SERPINB7: variants seen among roughly 807,000 people sequenced by gnomAD.
SERPINB7 encodes serpin family B member 7.
In SERPINB7, 31 loss-of-function variants were observed where a neutral mutation model predicts 37.4. The observed-to-expected ratio is 0.83, with a 90% CI of 0.62 to 1.12. The LOEUF (loss-of-function observed/expected upper bound fraction) is 1.12. Among genes scored for constraint, SERPINB7 ranks in the 50% most tolerant of loss-of-function variants. The pLI, the probability that SERPINB7 is intolerant of heterozygous loss-of-function variation, is 0.00. For missense variants in SERPINB7, 521 were observed against 455.3 expected (o/e 1.14, Z -1.31); for synonymous variants, 163 against 166.1 (o/e 0.98, Z 0.14).
intron 1 of SERPINB7, among the ~76,000 whole-genome samples, chr18:63,753,994 G>A (rs893278023): frequency 2.0e-5 from 3 of 152,148 alleles, no homozygotes; most frequent in African/African-American, 7.2e-5. Context: ...CTCATGGGAA[G>A]GGAAAAGATT....
intron 2 of SERPINB7, among the ~76,000 whole-genome samples, chr18:63,786,199 G>A (rs2049369783): frequency 1.5e-5 from 1 of 66,672 alleles, no homozygotes; most frequent in South Asian, 5.0e-4. Context: ...ACACCAGCAT[G>A]GCACATACGT....
intron 1 of SERPINB7, among the ~76,000 whole-genome samples, chr18:63,765,564 A>G (rs1370849451): frequency 2.0e-5 from 3 of 152,058 alleles, no homozygotes; most frequent in Non-Finnish European, 2.9e-5. Flanking sequence ...TAAAATTCAA[A>G]TTCTTTCTGA....
intron 2 of SERPINB7, among the ~76,000 whole-genome samples, chr18:63,788,099 T>G (rs2049391063): frequency 6.6e-6 from 1 of 152,220 alleles, no homozygotes; most frequent in Admixed American, 6.5e-5. Flanking sequence ...ATACTTTTAG[T>G]AGTTATTTTA....
chr18:63,777,090 C>T (rs904317705), intron 1 of SERPINB7, among the ~76,000 whole-genome samples: 7 of 152,044 alleles, frequency 4.6e-5, no homozygotes, highest in Non-Finnish European at 1.0e-4. Flanking sequence ...ATGTGAGGTA[C>T]AACCCTACTT....
At chr18:63,789,082 G>T (rs769049530) in intron 2 of SERPINB7, among the ~76,000 whole-genome samples, 4 of 152,168 alleles carry the variant, frequency 2.6e-5, no homozygotes, top group Admixed American at 2.6e-4. Flanking sequence ...TTATATAAAT[G>T]TACATAGCCA....
upstream of SERPINB7, among the ~76,000 whole-genome samples, chr18:63,771,140 C>T (rs1598994269): frequency 6.6e-6 from 1 of 151,858 alleles, no homozygotes; most frequent in Admixed American, 6.6e-5. Flanking sequence ...GAAAGGGAGG[C>T]ATAATTGTTG....
chr18:63,789,410 T>G (rs762098774), intron 2 of SERPINB7, among the ~76,000 whole-genome samples: 1 of 152,184 alleles, frequency 6.6e-6, no homozygotes, highest in South Asian at 2.1e-4. Context: ...TATAATGATG[T>G]AGTCCAAAGT....
At position 63,790,114 on chromosome 18, in the gene SERPINB7, T is replaced by C. The variant is rs1002219641; in HGVS notation, c.169-2279T>C. Among the ~76,000 whole-genome samples, 13 of 152,360 alleles carry C rather than the reference T, an allele frequency of 8.5e-5. No homozygotes were observed. The South Asian group carries it at 2.1e-3, about 24-fold the overall frequency. ...CTACAACTTAATAACAGCAATGACT[T>C]CTTGAGCTTTATTGTAAGTATGGAC... On this transcript the variant is annotated intron_variant, in intron 2 of 7. Transcript: ENST00000398019.
upstream of SERPINB7, among the ~76,000 whole-genome samples, chr18:63,772,163 C>CT (rs1433115737): frequency 6.6e-6 from 1 of 151,884 alleles, no homozygotes; most frequent in African/African-American, 2.4e-5. Context: ...TTTCTGAGTC[C>CT]TACTTTTCTC....
intron 1 of SERPINB7, among the ~76,000 whole-genome samples, chr18:63,762,645 G>A (rs1385693477): frequency 6.6e-6 from 1 of 152,160 alleles, no homozygotes; most frequent in African/African-American, 2.4e-5. Flanking sequence ...GGAGTGACGA[G>A]AGCAGAAAAC....
At chr18:63,792,493 G>C (rs748181898) in intron 3 of SERPINB7, 50 bp downstream of exon 3, 5 of 1,266,564 alleles carry the variant, frequency 3.9e-6, no homozygotes, top group East Asian at 2.3e-5. Context: ...CCAGGTGCAG[G>C]GGCTCAAGCC....
Position 63,796,335 on chromosome 18 carries a change from GA to G in SERPINB7, c.408del (p.Asp137ThrfsTer21). 2 of 1,612,574 alleles carry G rather than the reference GA, an allele frequency of 1.2e-6. No individual in the cohort carries two copies. Among genetic ancestry groups the G allele is most frequent in the South Asian group, 1.1e-5 (1 of 90,996 alleles). ...GCGAGTTGACTTTACGAATCATTTA[GA>G]AGACACTAGACGTAATATTAATAAG... ...VERVDFTNHL[E>X]DTRRNINKWV... On this transcript the variant is annotated frameshift_variant, in exon 5 of 8. Transcript: ENST00000398019. LOFTEE classifies it high-confidence loss of function.
intron 4 of SERPINB7, among the ~76,000 whole-genome samples, 171 bp from the exon 5 acceptor site, chr18:63,796,095 C>T (rs1568213292): frequency 6.6e-6 from 1 of 152,164 alleles, no homozygotes; most frequent in Non-Finnish European, 1.5e-5. Flanking sequence ...TTCAGATACA[C>T]CAGATCCCCT....
upstream of SERPINB7, among the ~76,000 whole-genome samples, chr18:63,772,796 A>G (rs1441844779): frequency 6.6e-6 from 1 of 152,170 alleles, no homozygotes; most frequent in Non-Finnish European, 1.5e-5. Flanking sequence ...GGGCCACGAC[A>G]ACGTGATGAA....
intron 6 of SERPINB7, 126 bp downstream of exon 6, chr18:63,798,872 A>G (rs904513483): frequency 6.2e-6 from 6 of 965,354 alleles, no homozygotes; most frequent in Non-Finnish European, 9.3e-6. Context: ...TTGCATTACC[A>G]ATATCATATG....
chr18:63,804,727 T>C lies in SERPINB7; in HGVS notation c.*92T>C. The C allele has an allele frequency of 7.5e-7, 1 of 1,336,430 alleles. No individual in the cohort carries two copies. 82.8% of individuals were successfully genotyped at this position (1,336,430 alleles called of 1,614,324 possible). A position where few individuals can be genotyped will look rare whatever the true frequency, so the allele number is the denominator to read the frequency against. On this transcript the variant is annotated 3_prime_UTR_variant, in exon 8 of 8. Coordinates refer to ENST00000398019, the MANE Select transcript of SERPINB7 (RefSeq NM_003784.4). ...TGAGTTTAATTGGAAAAATGTGGTG[T>C]TTCCTTTGAGTTTATTTCTTCCTAA...
rs2049310827 is a variant in SERPINB7 at position 63,782,467 on chromosome 18, C to G, written c.95C>G (p.Ser32Cys). The change falls in exon 2 of 8, where the codon TCT becomes TGT. Residue 32 changes from serine (S) to cysteine (C), a missense_variant. By Grantham distance (112) the Ser-to-Cys change is moderately radical. Transcript: ENST00000398019. ...NQGNGNVFFS[S>C]LSLFAALALV... is the part of the protein sequence containing the mutation. Reference sequence around the variant, plus strand: ...GGAAATGGAAATGTGTTCTTTTCCTCTCTGAGCCTCTTCGCTGCCCTGGCC... The same window carrying G: ...GGAAATGGAAATGTGTTCTTTTCCTGTCTGAGCCTCTTCGCTGCCCTGGCC... 2 of 1,614,196 alleles carry G rather than the reference C, an allele frequency of 1.2e-6. No individual in the cohort carries two copies. Among genetic ancestry groups the G allele is most frequent in the East Asian group, 4.5e-5 (2 of 44,882 alleles).
intron 1 of SERPINB7, among the ~76,000 whole-genome samples, chr18:63,761,009 C>T (rs530212180): frequency 4.5e-4 from 69 of 152,352 alleles, no homozygotes; most frequent in African/African-American, 1.5e-3. Context: ...AAGAGGGCCA[C>T]TGTCCTTCAG....
At position 63,803,380 on chromosome 18, in the gene SERPINB7, A is replaced by T. The variant is rs1599024796; in HGVS notation, c.745-857A>T. Among the ~76,000 whole-genome samples the T allele has an allele frequency of 2.6e-5, 4 of 152,352 alleles. No individual in the cohort carries two copies. In the East Asian group the frequency reaches 7.7e-4, roughly 29 times the overall value. On this transcript the variant is annotated intron_variant, in intron 7 of 7. Coordinates refer to ENST00000398019, the MANE Select transcript of SERPINB7 (RefSeq NM_003784.4). ...TTGATAAGAATACAAGTTAAATTTA[A>T]TATCAGTAAAAAGTTGTTTAGGATT... is the stretch of plus-strand genomic sequence containing the variant.
Sources: allele counts gnomAD v4.1 joint callset (sites outside exome capture counted in the v4.1 genomes callset), GRCh38; gene constraint gnomAD v4.1.1; transcripts MANE v1.5; gene names NCBI Gene and HGNC (gene_info 2026-07-23, HGNC 2026-07-21).